Variants in MBNL1 observed in about 807,000 individuals in gnomAD.
MBNL1 encodes the protein muscleblind-like protein 1.
MBNL1 carries 8 observed loss-of-function variants against 42.2 expected under a neutral mutation model. The observed-to-expected ratio is 0.19, with a 90% CI of 0.11 to 0.34. MBNL1 has a LOEUF of 0.34. MBNL1 is among the 10% of genes least tolerant of loss of function. The probability of loss-of-function intolerance (pLI) is 1.00; values close to 1 mark genes in which losing one functional copy is unlikely to be tolerated. For synonymous variants in MBNL1, 169 were observed against 173.9 expected (o/e 0.97, Z 0.22); for missense variants, 309 against 495.3 (o/e 0.62, Z 3.57).
chr3:152,287,594 C>T (rs541627634), intron 1 of MBNL1, among the ~76,000 whole-genome samples: 5 of 152,234 alleles, frequency 3.3e-5, no homozygotes, highest in South Asian at 4.1e-4. Flanking sequence ...GTCCCAGGAA[C>T]GGTATATATT....
upstream of MBNL1, chr3:152,268,902 A>C (rs1018881393): frequency 2.6e-5 from 12 of 455,048 alleles, no homozygotes; most frequent in Non-Finnish European, 4.9e-5. Context: ...GACCTCGGCG[A>C]TAAGAGGCTG....
intron 2 of MBNL1, among the ~76,000 whole-genome samples, chr3:152,246,044 A>G (rs550534480): frequency 1.3e-5 from 2 of 152,244 alleles, no homozygotes; most frequent in East Asian, 1.9e-4. Context: ...TGATTGCACC[A>G]CTACACTCCA....
chr3:152,314,432 A>C (rs575898794), intron 2 of MBNL1, among the ~76,000 whole-genome samples: 2 of 151,726 alleles, frequency 1.3e-5, no homozygotes, highest in South Asian at 4.2e-4. Flanking sequence ...CTGGAGTACA[A>C]TAGCGTGATC....
intron 2 of MBNL1, among the ~76,000 whole-genome samples, chr3:152,334,248 A>G (rs912301976): frequency 8.5e-5 from 13 of 152,178 alleles, no homozygotes; most frequent in African/African-American, 3.1e-4. Flanking sequence ...ATTTTTCTCT[A>G]ATAGGTAAAT....
At chr3:152,450,721 G>A (rs1171330363) in intron 6 of MBNL1, among the ~76,000 whole-genome samples, 2 of 152,198 alleles carry the variant, frequency 1.3e-5, no homozygotes, top group Admixed American at 1.3e-4. Context: ...TCATAGGGTT[G>A]GTTGTAAGAA....
At chr3:152,347,344 T>C (rs1399775995) in intron 2 of MBNL1, among the ~76,000 whole-genome samples, 2 of 152,090 alleles carry the variant, frequency 1.3e-5, no homozygotes, top group Admixed American at 1.3e-4. Context: ...TTAAAAGCAT[T>C]AATTGACACT....
At chr3:152,448,225 C>T (rs547823292) in intron 6 of MBNL1, among the ~76,000 whole-genome samples, 14 of 152,142 alleles carry the variant, frequency 9.2e-5, no homozygotes, top group African/African-American at 2.9e-4. Context: ...AACAACTATG[C>T]GTTCTAGAGC....
intron 2 of MBNL1, among the ~76,000 whole-genome samples, chr3:152,350,308 A>T (rs766202017): frequency 1.3e-5 from 2 of 152,190 alleles, no homozygotes; most frequent in African/African-American, 2.4e-5. Flanking sequence ...TTGAAAGCAG[A>T]TGAGTAGAAT....
intron 2 of MBNL1, among the ~76,000 whole-genome samples, chr3:152,400,992 C>T (rs112617310): frequency 1.0e-3 from 159 of 152,230 alleles, no homozygotes; most frequent in African/African-American, 3.6e-3. Flanking sequence ...CTTTAAAATA[C>T]ACTTATGCCT....
At chr3:152,425,308 A>ATCG (rs893825088) in intron 3 of MBNL1, among the ~76,000 whole-genome samples, 2 of 152,134 alleles carry the variant, frequency 1.3e-5, no homozygotes, top group African/African-American at 2.4e-5. Flanking sequence ...AAAAAAGCTC[A>ATCG]TCATCGGTGG....
At chr3:152,317,125 A>G (rs1171674127) in intron 2 of MBNL1, among the ~76,000 whole-genome samples, 1 of 152,148 alleles carries the variant, frequency 6.6e-6, no homozygotes, top group East Asian at 1.9e-4. Context: ...CCTTGGTTGT[A>G]GTTAGCAGGT....
chr3:152,447,065 C>T (rs1283958528), intron 5 of MBNL1, among the ~76,000 whole-genome samples: 1 of 151,972 alleles, frequency 6.6e-6, no homozygotes, highest in Non-Finnish European at 1.5e-5. Context: ...TATTTATGTA[C>T]CTGTTTGGTT....
chr3:152,262,441 C>T (rs2036455868), intron 2 of MBNL1, among the ~76,000 whole-genome samples: 1 of 152,040 alleles, frequency 6.6e-6, no homozygotes, highest in African/African-American at 2.4e-5. Flanking sequence ...ACAGAGAGAA[C>T]TCACACAATG....
intron 2 of MBNL1, among the ~76,000 whole-genome samples, chr3:152,260,123 A>AAG (rs1333763139): frequency 1.3e-5 from 2 of 152,228 alleles, no homozygotes; most frequent in African/African-American, 4.8e-5. Context: ...CTGGATAGGA[A>AAG]AGTTGATAGC....
chr3:152,318,781 T>C (rs938924150), intron 2 of MBNL1, among the ~76,000 whole-genome samples: 1 of 152,160 alleles, frequency 6.6e-6, no homozygotes, highest in Non-Finnish European at 1.5e-5. Context: ...GCTATTATTA[T>C]GTCAATTTGA....
At chr3:152,407,621 A>T (rs1007148737) in intron 2 of MBNL1, among the ~76,000 whole-genome samples, 7 of 152,156 alleles carry the variant, frequency 4.6e-5, no homozygotes, top group Non-Finnish European at 8.8e-5. Flanking sequence ...ATTATGTAAT[A>T]AAAAAATCCT....
At chr3:152,405,941 G>T (rs1341546246) in intron 2 of MBNL1, among the ~76,000 whole-genome samples, 2 of 152,100 alleles carry the variant, frequency 1.3e-5, no homozygotes, top group Non-Finnish European at 1.5e-5. Flanking sequence ...TCTGATTGTT[G>T]CTGTACTGAA....
At chr3:152,382,701 G>A (rs2153417855) in intron 2 of MBNL1, among the ~76,000 whole-genome samples, 1 of 152,208 alleles carries the variant, frequency 6.6e-6, no homozygotes, top group East Asian at 1.9e-4. Flanking sequence ...GAGTTGAATA[G>A]GTTTCTTTCT....
intron 9 of MBNL1, among the ~76,000 whole-genome samples, chr3:152,461,725 C>T (rs937365530): frequency 1.3e-5 from 2 of 152,042 alleles, no homozygotes; most frequent in Admixed American, 1.3e-4. Flanking sequence ...TGTAAATATT[C>T]GCTGCTGAGA....
Sources: allele counts gnomAD v4.1 joint callset (sites outside exome capture counted in the v4.1 genomes callset), GRCh38; gene constraint gnomAD v4.1.1; transcripts MANE v1.5; gene names NCBI Gene and HGNC (gene_info 2026-07-23, HGNC 2026-07-21).